BRMS1L: variants seen among roughly 807,000 people sequenced by gnomAD.
BRMS1L encodes breast cancer metastasis-suppressor 1-like protein.
In BRMS1L, 23 loss-of-function variants were observed where a neutral mutation model predicts 50.3. The observed-to-expected ratio is 0.46, with a 90% CI of 0.33 to 0.65. BRMS1L has a LOEUF of 0.65. BRMS1L is among the 30% of genes least tolerant of loss of function. The probability of loss-of-function intolerance (pLI) is 0.02; values close to 1 mark genes in which losing one functional copy is unlikely to be tolerated. For missense variants in BRMS1L, 286 were observed against 386.1 expected (o/e 0.74, Z 2.17); for synonymous variants, 114 against 126.9 (o/e 0.90, Z 0.69).
chr14:35,860,115 A>G (rs563262950), intron 4 of BRMS1L, among the ~76,000 whole-genome samples: 1 of 152,290 alleles, frequency 6.6e-6, no homozygotes, highest in South Asian at 2.1e-4. Flanking sequence ...AAAAATATTC[A>G]GGATATAGTT....
intron 4 of BRMS1L, among the ~76,000 whole-genome samples, chr14:35,838,118 G>A (rs569890406): frequency 2.8e-4 from 42 of 152,220 alleles, no homozygotes; most frequent in East Asian, 1.2e-3. Context: ...GTGAGAACAC[G>A]CGGTGTTTTG....
At chr14:35,860,233 G>A (rs1249884745) in intron 4 of BRMS1L, among the ~76,000 whole-genome samples, 4 of 151,958 alleles carry the variant, frequency 2.6e-5, no homozygotes, top group Non-Finnish European at 5.9e-5. Flanking sequence ...GGGCTCAAGC[G>A]ATTCTAGTGC....
intron 1 of BRMS1L, among the ~76,000 whole-genome samples, chr14:35,827,508 G>A (rs550440047): frequency 9.2e-5 from 14 of 152,260 alleles, no homozygotes; most frequent in African/African-American, 3.4e-4. Flanking sequence ...ATTGATGATA[G>A]GTTGATGACA....
intron 7 of BRMS1L, 88 bp from the exon 8 acceptor site, chr14:35,865,634 A>C: frequency 2.0e-6 from 2 of 978,830 alleles, no homozygotes; most frequent in Non-Finnish European, 3.0e-6. Context: ...TTAATCGGTA[A>C]TATTGTATAT....
intron 4 of BRMS1L, among the ~76,000 whole-genome samples, chr14:35,840,143 A>G (rs1387303498): frequency 6.6e-6 from 1 of 152,122 alleles, no homozygotes; most frequent in Non-Finnish European, 1.5e-5. Flanking sequence ...GGTTTTTGTC[A>G]TTGGTCCTGT....
chr14:35,831,534 A>T, intron 2 of BRMS1L, 34 bp downstream of exon 2: 2 of 1,477,662 alleles, frequency 1.4e-6, no homozygotes, highest in Non-Finnish European at 1.9e-6. Flanking sequence ...ATTGTCACTG[A>T]ATCTCAACCT....
At chr14:35,856,475 C>T (rs973644905) in intron 4 of BRMS1L, among the ~76,000 whole-genome samples, 4 of 152,046 alleles carry the variant, frequency 2.6e-5, no homozygotes, top group East Asian at 1.9e-4. Context: ...CTGATCTTTT[C>T]GTTGTTTATT....
intron 4 of BRMS1L, among the ~76,000 whole-genome samples, chr14:35,858,378 A>T (rs927585990): frequency 1.3e-5 from 2 of 152,108 alleles, no homozygotes; most frequent in South Asian, 4.1e-4. Context: ...AGCAACCTGG[A>T]TGTCCCCTTC....
At chr14:35,829,077 G>A (rs769682029) in intron 1 of BRMS1L, among the ~76,000 whole-genome samples, 10 of 151,922 alleles carry the variant, frequency 6.6e-5, no homozygotes, top group Non-Finnish European at 1.3e-4. Flanking sequence ...GAGTAGCTGG[G>A]ATTACAGGCA....
chr14:35,828,906 G>A (rs1381334033), intron 1 of BRMS1L, among the ~76,000 whole-genome samples: 1 of 152,096 alleles, frequency 6.6e-6, no homozygotes, highest in East Asian at 1.9e-4. Context: ...TTCAAAAGCG[G>A]GGAATATAGA....
At chr14:35,830,379 T>G (rs2077903529) in intron 1 of BRMS1L, among the ~76,000 whole-genome samples, 1 of 152,074 alleles carries the variant, frequency 6.6e-6, no homozygotes, top group Non-Finnish European at 1.5e-5. Context: ...TTTCTTTCAC[T>G]TTTTATTTTT....
chr14:35,841,869 A>G (rs2078068749), intron 4 of BRMS1L, among the ~76,000 whole-genome samples: 1 of 152,094 alleles, frequency 6.6e-6, no homozygotes, highest in Non-Finnish European at 1.5e-5. Flanking sequence ...TTGGTTGCAT[A>G]TATATTTAGG....
In BRMS1L at chr14:35,826,497, A is replaced by G; in HGVS notation, c.-20A>G. The G allele has an allele frequency of 6.4e-7, 1 of 1,567,294 alleles. No homozygotes were observed. On this transcript the variant is annotated 5_prime_UTR_variant, in exon 1 of 10. Coordinates refer to ENST00000216807, the MANE Select transcript of BRMS1L (RefSeq NM_032352.4). ...GCCGGGCTGGGCGCCGGTAGTGGAA[A>G]GCGACGGCGCGGCTGGAAAATGCCA...
At chr14:35,829,679 A>C (rs2142035357) in intron 1 of BRMS1L, 1 of 377,182 alleles carries the variant, frequency 2.7e-6, no homozygotes, top group South Asian at 2.5e-5. Flanking sequence ...GTAGCCAAGA[A>C]GTAAGCAATC....
chr14:35,855,703 C>G (rs1433727004), intron 4 of BRMS1L, among the ~76,000 whole-genome samples: 3 of 151,990 alleles, frequency 2.0e-5, no homozygotes, highest in Non-Finnish European at 4.4e-5. Context: ...TTTAAATCAT[C>G]TATTATATAA....
chr14:35,828,305 T>A (rs542628485), intron 1 of BRMS1L, among the ~76,000 whole-genome samples: 3 of 151,350 alleles, frequency 2.0e-5, no homozygotes, highest in Admixed American at 6.6e-5. Context: ...CCCGAGTAGC[T>A]GTGATTATAG....
chr14:35,854,979 C>A (rs895778323), intron 4 of BRMS1L, among the ~76,000 whole-genome samples: 1 of 152,256 alleles, frequency 6.6e-6, no homozygotes, highest in African/African-American at 2.4e-5. Flanking sequence ...TTTTCCCCCC[C>A]TCTTACTGCC....
chr14:35,833,206 G>A (rs1002499589), intron 3 of BRMS1L, 101 bp downstream of exon 3: 1 of 1,214,112 alleles, frequency 8.2e-7, no homozygotes, highest in Non-Finnish European at 1.1e-6. Context: ...GGGATTACAA[G>A]CATATTTACA....
chr14:35,846,984 A>C (rs952936216), intron 4 of BRMS1L, among the ~76,000 whole-genome samples: 5 of 151,980 alleles, frequency 3.3e-5, no homozygotes, highest in Admixed American at 1.3e-4. Flanking sequence ...AAAAAACACA[A>C]AAAAATAAAA....
Sources: allele counts gnomAD v4.1 joint callset (sites outside exome capture counted in the v4.1 genomes callset), GRCh38; gene constraint gnomAD v4.1.1; transcripts MANE v1.5; gene names NCBI Gene and HGNC (gene_info 2026-07-23, HGNC 2026-07-21).